MDGA2: variants seen among roughly 807,000 people sequenced by gnomAD.
MDGA2 encodes the protein MAM domain-containing glycosylphosphatidylinositol anchor protein 2.
MDGA2 carries 40 observed loss-of-function variants against 117.8 expected under a neutral mutation model. That is an observed-to-expected ratio of 0.34 (90% CI 0.26 to 0.44). The LOEUF is 0.44. Among genes scored for constraint, MDGA2 ranks in the 20% least tolerant of loss-of-function variants. MDGA2 has a pLI of 1.00. For synonymous variants in MDGA2, 452 were observed against 439.0 expected (o/e 1.03, Z -0.37); for missense variants, 1,123 against 1,250.6 (o/e 0.90, Z 1.54).
intron 1 of MDGA2, among the ~76,000 whole-genome samples, chr14:47,590,990 A>T: frequency 6.6e-6 from 1 of 151,720 alleles, no homozygotes; most frequent in East Asian, 1.9e-4. Flanking sequence ...GAATTGTTAG[A>T]AAAAAAAAGT....
At chr14:47,370,501 G>GTGTGTGTGTGTC (rs1891331454) in intron 1 of MDGA2, among the ~76,000 whole-genome samples, 1 of 34,926 alleles carries the variant, frequency 2.9e-5, no homozygotes, top group African/African-American at 9.4e-5. Context: ...TTTTTTTTGT[G>GTGTGTGTGTGTC]TGTGTGTGTG....
chr14:47,449,699 G>T (rs1163645309), intron 1 of MDGA2, among the ~76,000 whole-genome samples: 5 of 152,036 alleles, frequency 3.3e-5, no homozygotes, highest in Admixed American at 3.3e-4. Context: ...ATGGTTTCAG[G>T]TTTTCTAAAT....
chr14:47,272,776 T>A (rs892967633), intron 2 of MDGA2, among the ~76,000 whole-genome samples: 1 of 152,194 alleles, frequency 6.6e-6, no homozygotes, highest in African/African-American at 2.4e-5. Context: ...CACACCAGTG[T>A]GTTTTCACGG....
At chr14:47,604,423 C>T (rs1325645321) in intron 1 of MDGA2, among the ~76,000 whole-genome samples, 1 of 151,566 alleles carries the variant, frequency 6.6e-6, no homozygotes, top group African/African-American at 2.4e-5. Context: ...CTCAAGCTAT[C>T]CTCTCACCTC....
chr14:47,059,470 A>T (rs745970188), intron 7 of MDGA2: 2 of 420,364 alleles, frequency 4.8e-6, no homozygotes, highest in Non-Finnish European at 8.4e-6. Context: ...TCTTTAAAGG[A>T]TTGGTGGAAA....
chr14:47,106,415 C>T (rs557727026), intron 5 of MDGA2, among the ~76,000 whole-genome samples: 33 of 152,098 alleles, frequency 2.2e-4, no homozygotes, highest in South Asian at 8.4e-4. Flanking sequence ...CCGCAGCAGC[C>T]AGGCGTTCCT....
intron 4 of MDGA2, among the ~76,000 whole-genome samples, chr14:47,138,385 G>T (rs1478253515): frequency 6.6e-6 from 1 of 151,934 alleles, no homozygotes; most frequent in African/African-American, 2.4e-5. Context: ...GTTCAGTCTT[G>T]TAATTAGATG....
At chr14:47,558,147 A>G (rs1001119688) in intron 1 of MDGA2, among the ~76,000 whole-genome samples, 1 of 152,178 alleles carries the variant, frequency 6.6e-6, no homozygotes, top group African/African-American at 2.4e-5. Flanking sequence ...CACCTAGAAA[A>G]AAAGACTATG....
chr14:47,077,466 T>C (rs1016177821), intron 6 of MDGA2, among the ~76,000 whole-genome samples: 1 of 152,132 alleles, frequency 6.6e-6, no homozygotes, highest in Non-Finnish European at 1.5e-5. Flanking sequence ...TTCCTGTTCT[T>C]AGTTGTGTTC....
intron 8 of MDGA2, among the ~76,000 whole-genome samples, chr14:46,992,975 T>C (rs1054453618): frequency 6.6e-6 from 1 of 152,128 alleles, no homozygotes; most frequent in Non-Finnish European, 1.5e-5. Context: ...CCAAAAGTAC[T>C]GAAATTGTAT....
chr14:47,533,397 T>G (rs537915598), intron 1 of MDGA2, among the ~76,000 whole-genome samples: 1 of 152,352 alleles, frequency 6.6e-6, no homozygotes, highest in South Asian at 2.1e-4. Context: ...CAGCTGATTC[T>G]TAGTATATAT....
intron 1 of MDGA2, among the ~76,000 whole-genome samples, chr14:47,622,319 C>A (rs1566545734): frequency 1.3e-5 from 2 of 152,154 alleles, no homozygotes; most frequent in African/African-American, 4.8e-5. Flanking sequence ...GAGTCAGACA[C>A]AGTGATAGGC....
At chr14:47,014,353 G>A (rs1316169945) in intron 8 of MDGA2, among the ~76,000 whole-genome samples, 2 of 152,144 alleles carry the variant, frequency 1.3e-5, no homozygotes, top group Non-Finnish European at 2.9e-5. Flanking sequence ...AGCTACATTA[G>A]CCCCTAACAA....
intron 9 of MDGA2, among the ~76,000 whole-genome samples, chr14:46,937,169 T>G (rs1045409334): frequency 9.3e-5 from 14 of 151,004 alleles, no homozygotes; most frequent in African/African-American, 3.4e-4. Flanking sequence ...GAAAAAGAAA[T>G]AAAGCAAACA....
intron 1 of MDGA2, among the ~76,000 whole-genome samples, chr14:47,530,114 A>C (rs751128972): frequency 6.6e-6 from 1 of 152,184 alleles, no homozygotes; most frequent in Non-Finnish European, 1.5e-5. Flanking sequence ...CAAGATTCCT[A>C]TCCCAGGAAA....
intron 14 of MDGA2, among the ~76,000 whole-genome samples, chr14:46,868,342 T>C (rs902753): frequency 6.6e-6 from 1 of 151,994 alleles, no homozygotes; most frequent in African/African-American, 2.4e-5. Flanking sequence ...TTAATTTTTT[T>C]GGGGGAGTAC....
chr14:47,004,623 T>C (rs1347138875), intron 8 of MDGA2, among the ~76,000 whole-genome samples: 2 of 151,774 alleles, frequency 1.3e-5, no homozygotes, highest in Non-Finnish European at 3.0e-5. Flanking sequence ...AGAAAACTTC[T>C]AGAATTTCAA....
chr14:47,453,270 T>C (rs1893278876), intron 1 of MDGA2, among the ~76,000 whole-genome samples: 1 of 152,104 alleles, frequency 6.6e-6, no homozygotes, highest in African/African-American at 2.4e-5. Context: ...AGCTTTGTCA[T>C]ATTTCTTAAA....
In MDGA2 at chr14:47,464,089, CACTT is replaced by C. The variant is rs556229445; in HGVS notation, c.281-162543_281-162540del. 1.3e-3 allele frequency among the ~76,000 whole-genome samples: 181 copies of C among 142,698 alleles called. 1 individual carries two copies. The highest frequency in any genetic ancestry group is 2.0e-3 in the Non-Finnish European group (131 of 66,084). The allele number at this position is 142,698 out of a possible 152,430, so 93.6% of individuals were successfully genotyped here. On this transcript the variant is annotated intron_variant, in intron 1 of 16. Transcript: ENST00000399232. ...TAGTTTAGCTTTAAAATTCATTTCT[CACTT>C]ACTATGTACACACACACACACACAC...
Sources: gnomAD v4.1 joint callset for allele counts (sites outside exome capture counted in the v4.1 genomes callset) on GRCh38, gnomAD v4.1.1 for gene constraint, MANE v1.5 for transcripts, NCBI Gene and HGNC (gene_info 2026-07-23, HGNC 2026-07-21) for gene names.